The following FAM135B variants were observed in gnomAD, a reference collection of about 807,000 sequenced individuals.
FAM135B encodes the protein protein FAM135B.
A neutral mutation model predicts 127.7 loss-of-function variants in FAM135B; 43 were observed. That is an observed-to-expected ratio of 0.34 (90% CI 0.26 to 0.43). The LOEUF is 0.43. FAM135B is among the 20% of genes least tolerant of loss of function. The probability of loss-of-function intolerance (pLI) is 1.00; values close to 1 mark genes in which losing one functional copy is unlikely to be tolerated. For missense variants in FAM135B, 1,558 were observed against 1,725.6 expected (o/e 0.90, Z 1.72); for synonymous variants, 670 against 665.1 (o/e 1.01, Z -0.11).
Position 138,175,953 on chromosome 8 carries a change from C to T in FAM135B, c.1103+1394G>A, listed in dbSNP as rs1403904911. On this transcript the variant is annotated intron_variant, in intron 11 of 19. Coordinates refer to ENST00000395297, the MANE Select transcript of FAM135B (RefSeq NM_015912.4). Reference sequence around the variant, plus strand: ...TCTGAGCAGAGTCTGTGGCTAGCTCCGTGTGTTCCATGTGCATGGACATGC... The same window carrying T: ...TCTGAGCAGAGTCTGTGGCTAGCTCTGTGTGTTCCATGTGCATGGACATGC... Among the ~76,000 whole-genome samples the T allele has an allele frequency of 2.6e-5, 4 of 152,258 alleles. No homozygotes were observed. In the South Asian group the frequency reaches 6.2e-4, roughly 24 times the overall value.
chr8:138,206,346 A>G (rs1362781231), intron 7 of FAM135B, among the ~76,000 whole-genome samples: 13,566 of 71,686 alleles, frequency 0.19, 10 homozygotes, highest in Non-Finnish European at 0.2. Flanking sequence ...CCTACCCACA[A>G]CTCCAGCATC....
chr8:138,466,388 T>C (rs1837381792), intron 1 of FAM135B, among the ~76,000 whole-genome samples: 1 of 151,954 alleles, frequency 6.6e-6, no homozygotes, highest in Non-Finnish European at 1.5e-5. Context: ...AACCTGAAGA[T>C]GAAACTGGAA....
chr8:138,339,626 G>A (rs1828902051), intron 2 of FAM135B, among the ~76,000 whole-genome samples: 1 of 152,188 alleles, frequency 6.6e-6, no homozygotes, highest in East Asian at 1.9e-4. Context: ...TTGCATATGT[G>A]TCACAGTTTT....
At chr8:138,292,914 G>A (rs571424350) in intron 3 of FAM135B, among the ~76,000 whole-genome samples, 136 of 152,068 alleles carry the variant, frequency 8.9e-4, no homozygotes, top group African/African-American at 3.3e-3. Flanking sequence ...TAAACTTCAT[G>A]TGGAACCAAA....
chr8:138,399,179 G>C (rs1563969027), intron 1 of FAM135B, among the ~76,000 whole-genome samples: 2 of 151,954 alleles, frequency 1.3e-5, no homozygotes, highest in East Asian at 1.9e-4. Flanking sequence ...TAGTGTCCTA[G>C]CTTCCTAGCT....
At chr8:138,291,502 T>C (rs923455563) in intron 3 of FAM135B, among the ~76,000 whole-genome samples, 3 of 152,128 alleles carry the variant, frequency 2.0e-5, no homozygotes, top group Non-Finnish European at 2.9e-5. Flanking sequence ...AAAAAATATA[T>C]AGACCAATAT....
In FAM135B at chr8:138,131,990, C is replaced by T. The variant is rs1816256042; in HGVS notation, c.*603G>A. The T allele has an allele frequency of 6.5e-6, 1 of 153,450 alleles. No individual in the cohort carries two copies. Among genetic ancestry groups the T allele is most frequent in the Non-Finnish European group, 1.5e-5 (1 of 68,660 alleles). The allele number at this position is 153,450 out of a possible 1,614,324, so 9.5% of individuals were successfully genotyped here. On this transcript the variant is annotated 3_prime_UTR_variant, in exon 20 of 20. Coordinates refer to ENST00000395297, the MANE Select transcript of FAM135B (RefSeq NM_015912.4). Reference sequence around the variant, plus strand: ...CTTTATCCCTCTTTACCTTAAGTCACCCTGCTCACTGCTGTTATGAAATAG... The same window carrying T: ...CTTTATCCCTCTTTACCTTAAGTCATCCTGCTCACTGCTGTTATGAAATAG...
chr8:138,222,119 G>C (rs1179703654), intron 7 of FAM135B, among the ~76,000 whole-genome samples: 7 of 152,104 alleles, frequency 4.6e-5, no homozygotes. Flanking sequence ...GAGAGAGAGA[G>C]AGACGGGAAG....
intron 7 of FAM135B, among the ~76,000 whole-genome samples, chr8:138,229,905 C>T (rs1387358112): frequency 1.3e-5 from 2 of 152,104 alleles, no homozygotes; most frequent in African/African-American, 4.8e-5. Context: ...AGGAAGCCAC[C>T]CTCATGGTTC....
intron 7 of FAM135B, among the ~76,000 whole-genome samples, chr8:138,228,091 T>C (rs566752583): frequency 6.6e-6 from 1 of 152,276 alleles, no homozygotes; most frequent in East Asian, 1.9e-4. Context: ...GGGCACTTTA[T>C]GTGTGCATTG....
intron 3 of FAM135B, among the ~76,000 whole-genome samples, chr8:138,280,128 G>A (rs1824149643): frequency 6.6e-6 from 1 of 152,072 alleles, no homozygotes; most frequent in Admixed American, 6.6e-5. Context: ...TGCACCCACG[G>A]CCCTCTCTGC....
At chr8:138,308,170 C>A (rs1414842621) in intron 3 of FAM135B, among the ~76,000 whole-genome samples, 1 of 149,924 alleles carries the variant, frequency 6.7e-6, no homozygotes, top group Non-Finnish European at 1.5e-5. Flanking sequence ...AGGAACTCAG[C>A]TATCATGTAA....
chr8:138,488,149 T>C (rs146095923), intron 1 of FAM135B, among the ~76,000 whole-genome samples: 1 of 152,272 alleles, frequency 6.6e-6, no homozygotes, highest in African/African-American at 2.4e-5. Context: ...ACCCAGGAAC[T>C]GTAAATGGTG....
intron 7 of FAM135B, among the ~76,000 whole-genome samples, chr8:138,236,839 G>A (rs1383837472): frequency 6.6e-6 from 1 of 152,154 alleles, no homozygotes; most frequent in East Asian, 1.9e-4. Context: ...TGGATCACAG[G>A]ATCCATTAAG....
chr8:138,427,062 T>C (rs921037496), intron 1 of FAM135B, among the ~76,000 whole-genome samples: 1 of 151,962 alleles, frequency 6.6e-6, no homozygotes. Flanking sequence ...ATATACTGTC[T>C]GATCCTGTTT....
Position 138,205,862 on chromosome 8 carries a change from T to C in FAM135B, c.670-8193A>G, listed in dbSNP as rs192189138. On this transcript the variant is annotated intron_variant, in intron 7 of 19. Coordinates refer to ENST00000395297, the MANE Select transcript of FAM135B (RefSeq NM_015912.4). Reference sequence around the variant, plus strand: ...TGGAACTGAGGGGTGGGCCTAGGAGTGGGAAGGCAATTGAGAAACCTGGTC... The same window carrying C: ...TGGAACTGAGGGGTGGGCCTAGGAGCGGGAAGGCAATTGAGAAACCTGGTC... Among the ~76,000 whole-genome samples, 218 of 151,632 alleles carry C rather than the reference T, an allele frequency of 1.4e-3. 1 individual carries two copies. The highest frequency in any genetic ancestry group is 5.0e-3 in the African/African-American group (205 of 41,262).
chr8:138,276,453 C>T (rs893437713), intron 3 of FAM135B, among the ~76,000 whole-genome samples: 2 of 152,096 alleles, frequency 1.3e-5, no homozygotes, highest in Non-Finnish European at 2.9e-5. Flanking sequence ...AGCAGGGAGC[C>T]CCAGAGTCAC....
At chr8:138,314,879 CAAAAA>C (rs35189245) in intron 2 of FAM135B, among the ~76,000 whole-genome samples, 7 of 85,484 alleles carry the variant, frequency 8.2e-5, no homozygotes, top group African/African-American at 1.3e-4. Context: ...GACCTTACCT[CAAAAA>C]AAAAAAAAAA....
intron 12 of FAM135B, among the ~76,000 whole-genome samples, chr8:138,157,506 T>A (rs1006439842): frequency 2.1e-4 from 32 of 152,146 alleles, no homozygotes; most frequent in Non-Finnish European, 4.0e-4. Context: ...GAAGTCAAAT[T>A]GTCTCTGTTT....
Sources: gnomAD v4.1 joint callset for allele counts (sites outside exome capture counted in the v4.1 genomes callset) on GRCh38, gnomAD v4.1.1 for gene constraint, MANE v1.5 for transcripts, NCBI Gene and HGNC (gene_info 2026-07-23, HGNC 2026-07-21) for gene names.